CDCA7L: variants seen among roughly 807,000 people sequenced by gnomAD.
The protein encoded by CDCA7L is cell division cycle-associated 7-like protein.
In CDCA7L, 44 loss-of-function variants were observed where a neutral mutation model predicts 57.4. The observed-to-expected ratio is 0.77, with a 90% CI of 0.60 to 0.98. The LOEUF (loss-of-function observed/expected upper bound fraction) is 0.98. CDCA7L is among the 50% of genes least tolerant of loss of function. The probability of loss-of-function intolerance (pLI) is 0.00; values close to 1 mark genes in which losing one functional copy is unlikely to be tolerated. For synonymous variants in CDCA7L, 236 were observed against 202.8 expected (o/e 1.16, Z -1.39); for missense variants, 644 against 580.6 (o/e 1.11, Z -1.12).
chr7:21,931,836 A>T (rs1000953283), intron 1 of CDCA7L, among the ~76,000 whole-genome samples: 2 of 152,236 alleles, frequency 1.3e-5, no homozygotes, highest in African/African-American at 4.8e-5. Flanking sequence ...AAAGAAATAA[A>T]AAGTATTCAA....
intron 1 of CDCA7L, among the ~76,000 whole-genome samples, chr7:21,921,728 A>G (rs1380463539): frequency 2.0e-5 from 3 of 152,148 alleles, no homozygotes; most frequent in Non-Finnish European, 4.4e-5. Flanking sequence ...GGATATTTAC[A>G]TTAGTTGAAC....
intron 1 of CDCA7L, among the ~76,000 whole-genome samples, chr7:21,928,663 G>A (rs1785900277): frequency 6.6e-6 from 1 of 151,610 alleles, no homozygotes; most frequent in Non-Finnish European, 1.5e-5. Flanking sequence ...GCATACACAA[G>A]TATCAATAGC....
Position 21,911,767 on chromosome 7 carries a change from C to A in CDCA7L, c.166-13G>T, listed in dbSNP as rs1785336370. On this transcript the variant is annotated splice_polypyrimidine_tract_variant and intron_variant, in intron 2 of 9. Transcript: ENST00000406877. Reference sequence around the variant, plus strand: ...AGCGCACATCCTGCTAAATTAAAGACACACATACATCAGAGACGGAAAGTA... The same window carrying A: ...AGCGCACATCCTGCTAAATTAAAGAAACACATACATCAGAGACGGAAAGTA... 6.2e-7 allele frequency: 1 copy of A among 1,609,768 alleles called. No homozygotes were observed.
intron 1 of CDCA7L, among the ~76,000 whole-genome samples, chr7:21,935,235 A>G (rs1786128252): frequency 6.6e-6 from 1 of 152,248 alleles, no homozygotes; most frequent in South Asian, 2.1e-4. Flanking sequence ...TAACAGAAGG[A>G]AAAATGAAAA....
At chr7:21,928,183 C>T (rs1205031412) in intron 1 of CDCA7L, among the ~76,000 whole-genome samples, 6 of 152,152 alleles carry the variant, frequency 3.9e-5, no homozygotes, top group Non-Finnish European at 8.8e-5. Context: ...CTCCAGCAAA[C>T]TAACTCCAGC....
rs1226718157 is a variant in CDCA7L at position 21,901,105 on chromosome 7, G to A, written c.*1217C>T. 1.2e-6 allele frequency: 2 copies of A among 1,613,426 alleles called. No individual in the cohort carries two copies. The highest frequency in any genetic ancestry group is 1.7e-5 in the Admixed American group (1 of 59,920). On this transcript the variant is annotated 3_prime_UTR_variant, in exon 10 of 10. Coordinates refer to ENST00000406877, the MANE Select transcript of CDCA7L (RefSeq NM_018719.5). The stretch of plus-strand genomic sequence containing the variant: ...CATCTTTGCAAAAGCCACCCCCGTG[G>A]ACAGACAAGAAACCAAACAGACCTA...
At chr7:21,902,406 T>C (rs375669839) in intron 9 of CDCA7L, 54 bp from the exon 10 acceptor site, 28 of 1,538,936 alleles carry the variant, frequency 1.8e-5, no homozygotes, top group Middle Eastern at 1.7e-4. Context: ...ACAAATGGCA[T>C]TCTAGGCTTG....
chr7:21,901,308 C>T lies in CDCA7L; in HGVS notation c.*1014G>A. ...CTGGAGTGCAGTGAGGATTTTCTAGCATGTTGCTGCACTGTTCCCATGCAC... is the reference window on the plus strand; with the variant it reads ...CTGGAGTGCAGTGAGGATTTTCTAGTATGTTGCTGCACTGTTCCCATGCAC... On this transcript the variant is annotated 3_prime_UTR_variant, in exon 10 of 10. Transcript: ENST00000406877. The T allele has an allele frequency of 6.7e-7, 1 of 1,500,908 alleles. No homozygotes were observed. The allele number at this position is 1,500,908 out of a possible 1,614,324, so 93.0% of individuals were successfully genotyped here. A position where few individuals can be genotyped will look rare whatever the true frequency, so the allele number is the denominator to read the frequency against.
chr7:21,905,732 C>G, intron 6 of CDCA7L, 101 bp from the exon 7 acceptor site: 1 of 1,260,426 alleles, frequency 7.9e-7, no homozygotes, highest in South Asian at 1.9e-5. Flanking sequence ...TTAATGTTAA[C>G]CCCGTCCCTC....
At position 21,900,993 on chromosome 7, in the gene CDCA7L, T is replaced by C; in HGVS notation, c.*1329A>G. 2 of 1,566,794 alleles carry C rather than the reference T, an allele frequency of 1.3e-6. No individual in the cohort carries two copies. The highest frequency in any genetic ancestry group is 1.7e-6 in the Non-Finnish European group (2 of 1,156,992). ...AGCTGCCACACAATTGCAACCGCTG[T>C]GTTTTTGCCATAGGCGCCCGCTGGG... On this transcript the variant is annotated 3_prime_UTR_variant, in exon 10 of 10. Transcript: ENST00000406877.
intron 1 of CDCA7L, 38 bp from the exon 2 acceptor site, chr7:21,916,932 G>T (rs1477904963): frequency 6.2e-7 from 1 of 1,612,208 alleles, no homozygotes. Context: ...TAAACCAGGG[G>T]TTCTTGCTAA....
Position 21,904,128 on chromosome 7 carries a change from T to C in CDCA7L, c.1179A>G (p.Arg393=). 3 of 1,605,722 alleles carry C rather than the reference T, an allele frequency of 1.9e-6. No homozygotes were observed. Among genetic ancestry groups the C allele is most frequent in the African/African-American group, 1.3e-5 (1 of 74,694 alleles). ...CLRNRYGEDV[R]SALLDPDWVC... is the part of the protein sequence containing the mutation. ...TTCCTACCGGGTCCAGCAATGCCGA[T>C]CTGACATCCTCCCCATAGCGGTTCC... The change falls in exon 8 of 10, where the codon AGA becomes AGG. Residue 393 remains arginine, a synonymous_variant. Transcript: ENST00000406877.
intron 2 of CDCA7L, among the ~76,000 whole-genome samples, chr7:21,913,981 T>C (rs778494713): frequency 2.6e-5 from 4 of 152,224 alleles, no homozygotes; most frequent in Non-Finnish European, 4.4e-5. Context: ...GCACTGCTGA[T>C]TGCTCTCTGG....
At chr7:21,921,924 T>C (rs138400005) in intron 1 of CDCA7L, among the ~76,000 whole-genome samples, 1 of 152,276 alleles carries the variant, frequency 6.6e-6, no homozygotes, top group African/African-American at 2.4e-5. Flanking sequence ...GTGAATATCA[T>C]CAAAAGTCAT....
At chr7:21,902,443 C>T (rs1784944454) in intron 9 of CDCA7L, 91 bp from the exon 10 acceptor site, 3 of 1,265,222 alleles carry the variant, frequency 2.4e-6, no homozygotes, top group African/African-American at 2.9e-5. Context: ...TCTAAGAGTA[C>T]AAAGCCAGAA....
Position 21,904,223 on chromosome 7 carries a change from C to T in CDCA7L, c.1084G>A (p.Asp362Asn), listed in dbSNP as rs1785055294. Residue 362 changes from aspartate (D) to asparagine (N), a missense_variant, in exon 8 of 10, where the codon GAC becomes AAC. Transcript: ENST00000406877. ...TGGTTCCGACACACTGTCTTGGTGT[C>T]GATGGTCTTTTGTCGACACTGATGG... Reference protein sequence around the residue: ...TCHQCRQKTIDTKTVCRNQGC... With the variant: ...TCHQCRQKTINTKTVCRNQGC... The T allele has an allele frequency of 1.2e-6, 2 of 1,612,374 alleles. No homozygotes were observed. The highest frequency in any genetic ancestry group is 1.7e-6 in the Non-Finnish European group (2 of 1,179,226).
Position 21,941,203 on chromosome 7 carries a change from T to C in CDCA7L, c.24+4578A>G, listed in dbSNP as rs575721836. ...ACCACCCTGAGATATTTATTTCCTC[T>C]AATAAAGAAAAAAATATTTTTTCAA... On this transcript the variant is annotated intron_variant, in intron 1 of 9. Transcript: ENST00000406877. 3.3e-5 allele frequency among the ~76,000 whole-genome samples: 5 copies of C among 152,226 alleles called. No homozygotes were observed. In the East Asian group the frequency reaches 7.7e-4, roughly 24 times the overall value.
intron 1 of CDCA7L, among the ~76,000 whole-genome samples, chr7:21,939,110 C>T (rs1347126215): frequency 6.6e-6 from 1 of 152,020 alleles, no homozygotes; most frequent in Non-Finnish European, 1.5e-5. Flanking sequence ...AGGACAAATA[C>T]CATATGATTC....
At chr7:21,903,804 G>C (rs1420945658) in intron 8 of CDCA7L, 1 of 242,800 alleles carries the variant, frequency 4.1e-6, no homozygotes, top group Non-Finnish European at 7.9e-6. Flanking sequence ...AAACAAATCA[G>C]AGGGAAATCA....
Sources: allele counts gnomAD v4.1 joint callset (sites outside exome capture counted in the v4.1 genomes callset), GRCh38; gene constraint gnomAD v4.1.1; transcripts MANE v1.5; gene names NCBI Gene and HGNC (gene_info 2026-07-23, HGNC 2026-07-21).